The following AUTS2 variants were observed in gnomAD, a reference collection of about 807,000 sequenced individuals.
AUTS2 encodes the protein autism susceptibility gene 2 protein.
A neutral mutation model predicts 112.4 loss-of-function variants in AUTS2; 17 were observed. The observed-to-expected ratio is 0.15, with a 90% CI of 0.10 to 0.23. The LOEUF (loss-of-function observed/expected upper bound fraction) is 0.23, where lower values mean the gene tolerates loss of function less well. Ranked by LOEUF, AUTS2 falls within the 10% of genes least tolerant of loss-of-function variation. AUTS2 has a pLI of 1.00. For synonymous variants in AUTS2, 751 were observed against 702.7 expected (o/e 1.07, Z -1.09); for missense variants, 1,510 against 1,701.6 (o/e 0.89, Z 1.98).
At chr7:69,882,907 T>G (rs1284750297) in intron 1 of AUTS2, among the ~76,000 whole-genome samples, 1 of 152,210 alleles carries the variant, frequency 6.6e-6, no homozygotes, top group East Asian at 1.9e-4. Context: ...TTTTAATGAC[T>G]TACCAGTCAT....
intron 1 of AUTS2, among the ~76,000 whole-genome samples, chr7:69,734,379 A>G (rs1170484067): frequency 6.7e-6 from 1 of 150,048 alleles, no homozygotes; most frequent in East Asian, 1.9e-4. Flanking sequence ...GTCTTAGGTA[A>G]AGAAGTCTTT....
chr7:69,934,621 A>G (rs942692960), intron 2 of AUTS2, among the ~76,000 whole-genome samples: 9 of 152,126 alleles, frequency 5.9e-5, no homozygotes, highest in African/African-American at 2.2e-4. Flanking sequence ...AGCAGACCCT[A>G]TTAGACTTGC....
intron 1 of AUTS2, among the ~76,000 whole-genome samples, chr7:69,790,006 C>T (rs1384836083): frequency 6.6e-6 from 1 of 151,848 alleles, no homozygotes; most frequent in Non-Finnish European, 1.5e-5. Context: ...ATTGGCTGGG[C>T]CCAGTGGATC....
intron 2 of AUTS2, among the ~76,000 whole-genome samples, chr7:70,010,462 G>A (rs1213165223): frequency 6.6e-6 from 1 of 152,130 alleles, no homozygotes; most frequent in East Asian, 1.9e-4. Context: ...ATTTTTAAAG[G>A]TGTATACTTC....
At chr7:70,042,429 G>A (rs1231247861) in intron 2 of AUTS2, among the ~76,000 whole-genome samples, 1 of 152,078 alleles carries the variant, frequency 6.6e-6, no homozygotes, top group African/African-American at 2.4e-5. Flanking sequence ...TAGCTTAATT[G>A]CTGATGGTTT....
intron 1 of AUTS2, among the ~76,000 whole-genome samples, chr7:69,883,325 T>A (rs1794138698): frequency 6.6e-6 from 1 of 151,742 alleles, no homozygotes; most frequent in Non-Finnish European, 1.5e-5. Context: ...GATATTCTTA[T>A]TCCCAAAGAA....
At chr7:69,689,901 C>T (rs1019956321) in intron 1 of AUTS2, among the ~76,000 whole-genome samples, 3 of 150,538 alleles carry the variant, frequency 2.0e-5, no homozygotes, top group Admixed American at 6.6e-5. Flanking sequence ...GTCGGTCGGC[C>T]AGGCTGGTCT....
chr7:70,709,273 C>A (rs1041565185), intron 6 of AUTS2, among the ~76,000 whole-genome samples: 1 of 152,086 alleles, frequency 6.6e-6, no homozygotes, highest in Admixed American at 6.5e-5. Context: ...AGGAGGGAAG[C>A]CCCATGCCCA....
intron 2 of AUTS2, among the ~76,000 whole-genome samples, chr7:70,068,733 C>G (rs780933584): frequency 3.3e-5 from 5 of 152,190 alleles, no homozygotes; most frequent in Non-Finnish European, 7.3e-5. Flanking sequence ...AATGTAGCCA[C>G]TTCAACTCCT....
chr7:70,008,084 C>T (rs1799627109), intron 2 of AUTS2, among the ~76,000 whole-genome samples: 1 of 152,110 alleles, frequency 6.6e-6, no homozygotes, highest in Admixed American at 6.5e-5. Flanking sequence ...TATACAAAAT[C>T]ATCATGTGTT....
At position 70,464,555 on chromosome 7, in the gene AUTS2, G is replaced by A. The variant is rs77923879; in HGVS notation, c.690+28774G>A. On this transcript the variant is annotated intron_variant, in intron 5 of 18. Transcript: ENST00000342771. ...TTAGGTAACTTGCCTAGGGTCTCAC[G>A]GCTAGTACAATTAGTCTGCTAGAGG... 5.4e-3 allele frequency among the ~76,000 whole-genome samples: 825 copies of A among 152,226 alleles called. 6 individuals carry two copies. The highest frequency in any genetic ancestry group is 0.019 in the African/African-American group (782 of 41,538).
chr7:70,561,906 G>A (rs1358176090), intron 5 of AUTS2, among the ~76,000 whole-genome samples: 1 of 152,124 alleles, frequency 6.6e-6, no homozygotes, highest in East Asian at 1.9e-4. Context: ...CAGTGTTCGA[G>A]GTGGGCGCTG....
intron 2 of AUTS2, among the ~76,000 whole-genome samples, chr7:70,070,946 G>T (rs1462943818): frequency 6.6e-6 from 1 of 151,654 alleles, no homozygotes; most frequent in Admixed American, 6.6e-5. Flanking sequence ...AATTCACCAG[G>T]TACATTAGAA....
At chr7:70,666,175 T>C (rs1246155841) in intron 5 of AUTS2, among the ~76,000 whole-genome samples, 1 of 152,220 alleles carries the variant, frequency 6.6e-6, no homozygotes, top group Admixed American at 6.5e-5. Flanking sequence ...GGCAAGTTAC[T>C]TGCCCTCTCT....
chr7:69,815,666 C>T (rs1207099033), intron 1 of AUTS2, among the ~76,000 whole-genome samples: 1 of 152,170 alleles, frequency 6.6e-6, no homozygotes, highest in Non-Finnish European at 1.5e-5. Context: ...AGGCACATGC[C>T]ACCATGCCCA....
chr7:70,529,412 C>T (rs976874546), intron 5 of AUTS2, among the ~76,000 whole-genome samples: 2 of 152,148 alleles, frequency 1.3e-5, no homozygotes, highest in South Asian at 2.1e-4. Flanking sequence ...CTTGGAGAGC[C>T]GACCAGACCT....
intron 5 of AUTS2, among the ~76,000 whole-genome samples, chr7:70,645,442 C>T (rs974852898): frequency 6.6e-6 from 1 of 152,128 alleles, no homozygotes; most frequent in Non-Finnish European, 1.5e-5. Flanking sequence ...CTCCACACCA[C>T]CAGATGGTCT....
At chr7:69,700,524 CAATTCACGACTCCTG>C (rs1797760380) in intron 1 of AUTS2, among the ~76,000 whole-genome samples, 1 of 152,070 alleles carries the variant, frequency 6.6e-6, no homozygotes, top group South Asian at 2.1e-4. Context: ...GATGCACATC[CAATTCACGACTCCTG>C]GCTGCCTCTG....
chr7:70,135,338 A>G (rs1584774144), intron 4 of AUTS2, among the ~76,000 whole-genome samples: 1 of 152,322 alleles, frequency 6.6e-6, no homozygotes. Flanking sequence ...GTACAATAGG[A>G]TAACATGTCA....
Sources: gnomAD v4.1 joint callset for allele counts (sites outside exome capture counted in the v4.1 genomes callset) on GRCh38, gnomAD v4.1.1 for gene constraint, MANE v1.5 for transcripts, NCBI Gene and HGNC (gene_info 2026-07-23, HGNC 2026-07-21) for gene names.